The following WDR11 variants were observed in gnomAD, a reference collection of about 807,000 sequenced individuals.
WDR11 encodes WD repeat-containing protein 11.
WDR11 carries 83 observed loss-of-function variants against 151.2 expected under a neutral mutation model. The observed-to-expected ratio is 0.55, with a 90% CI of 0.46 to 0.66. The LOEUF is 0.66. WDR11 is among the 30% of genes least tolerant of loss of function. The probability of loss-of-function intolerance (pLI) is 0.00; values close to 1 mark genes in which losing one functional copy is unlikely to be tolerated. For missense variants in WDR11, 1,301 were observed against 1,480.9 expected (o/e 0.88, Z 1.99); for synonymous variants, 484 against 533.1 (o/e 0.91, Z 1.27).
chr10:120,900,101 C>T lies in WDR11; in HGVS notation c.2588C>T (p.Pro863Leu). The T allele has an allele frequency of 6.2e-7, 1 of 1,614,048 alleles. No homozygotes were observed. The highest frequency in any genetic ancestry group is 8.5e-7 in the Non-Finnish European group (1 of 1,179,898). ...TTGAAAGCCTTCTTATTACACCAGC[C>T]TTGGAATGGACAGTATTCTTTGGAC... ...LALKAFLLHQ[P>L]WNGQYSLDIS... Residue 863 changes from proline to leucine, a missense_variant, in exon 20 of 29, where the codon CCT becomes CTT. Physicochemically the swap from Pro to Leu is moderately conservative, Grantham distance 98 (BLOSUM62 -3). Coordinates refer to ENST00000263461, the MANE Select transcript of WDR11 (RefSeq NM_018117.12).
At chr10:120,895,104 C>T (rs956779621) in intron 19 of WDR11, among the ~76,000 whole-genome samples, 5 of 152,186 alleles carry the variant, frequency 3.3e-5, no homozygotes, top group Non-Finnish European at 7.3e-5. Context: ...CTGCCTTCTA[C>T]GTGGATTCTC....
chr10:120,866,524 A>G (rs768426743), intron 7 of WDR11, 45 bp from the exon 8 acceptor site: 1 of 1,608,470 alleles, frequency 6.2e-7, no homozygotes, highest in Non-Finnish European at 8.5e-7. Context: ...CAGTAGTGGT[A>G]TCGATATGGC....
intron 9 of WDR11, among the ~76,000 whole-genome samples, chr10:120,867,429 A>G (rs1441025476): frequency 6.6e-6 from 1 of 152,230 alleles, no homozygotes; most frequent in African/African-American, 2.4e-5. Flanking sequence ...AATGAAAGCA[A>G]TGACATTAGG....
At chr10:120,875,969 C>CTTTT (rs1307798276) in intron 11 of WDR11, among the ~76,000 whole-genome samples, 1 of 131,138 alleles carries the variant, frequency 7.6e-6, no homozygotes, top group Non-Finnish European at 1.6e-5. Flanking sequence ...AAGGGTTAAC[C>CTTTT]TTTTTTTTCT....
chr10:120,859,411 GCA>G (rs1477429251), intron 3 of WDR11, among the ~76,000 whole-genome samples: 1 of 151,686 alleles, frequency 6.6e-6, no homozygotes, highest in Non-Finnish European at 1.5e-5. Context: ...GGGACCACAG[GCA>G]CACACCACCA....
At chr10:120,869,374 A>G (rs1846442162) in intron 9 of WDR11, among the ~76,000 whole-genome samples, 3 of 151,772 alleles carry the variant, frequency 2.0e-5, no homozygotes, top group South Asian at 4.2e-4. Flanking sequence ...CGGCCTCCCA[A>G]AGTGCTGGGA....
intron 19 of WDR11, among the ~76,000 whole-genome samples, chr10:120,895,769 A>G (rs1236982196): frequency 2.6e-5 from 4 of 152,210 alleles, no homozygotes; most frequent in Non-Finnish European, 5.9e-5. Context: ...AAATTTTTAA[A>G]AAGAGAAAAA....
intron 21 of WDR11, 48 bp from the exon 22 acceptor site, chr10:120,902,209 G>A: frequency 6.6e-7 from 1 of 1,517,806 alleles, no homozygotes; most frequent in African/African-American, 1.4e-5. Flanking sequence ...ATGCTTTATT[G>A]TTTGATTGAA....
At chr10:120,878,241 A>G in intron 11 of WDR11, 112 bp from the exon 12 acceptor site, 1 of 785,000 alleles carries the variant, frequency 1.3e-6, no homozygotes, top group Non-Finnish European at 2.1e-6. Context: ...CTTACTTTTT[A>G]ATTAATTTGT....
chr10:120,876,875 T>C (rs1158897987), intron 11 of WDR11, among the ~76,000 whole-genome samples: 1 of 152,216 alleles, frequency 6.6e-6, no homozygotes, highest in East Asian at 1.9e-4. Context: ...CTAGATGGAA[T>C]TCACTCTGGG....
In WDR11 at chr10:120,873,920, T is replaced by C. The variant is rs780900373; in HGVS notation, c.1553T>C (p.Val518Ala). Residue 518 changes from valine (V) to alanine (A), a missense_variant, in exon 11 of 29, where the codon GTC becomes GCC. Coordinates refer to ENST00000263461, the MANE Select transcript of WDR11 (RefSeq NM_018117.12). ...GAGTTAAGCATCCACTCATGTGAAG[T>C]CAAGTAAGTATGTCATTGTGATGAT... The part of the protein sequence containing the change: ...HKELSIHSCE[V>A]KGIEWTSLTS... 1 of 1,606,430 alleles carries C rather than the reference T, an allele frequency of 6.2e-7. No individual in the cohort carries two copies. The highest frequency in any genetic ancestry group is 1.3e-5 in the African/African-American group (1 of 74,758).
rs12259815 is a variant in WDR11 at position 120,909,147 on chromosome 10, A to C, written c.*434A>C. 1 of 175,102 alleles carries C rather than the reference A, an allele frequency of 5.7e-6. No individual in the cohort carries two copies. The highest frequency in any genetic ancestry group is 5.5e-5 in the Admixed American group (1 of 18,182). The allele number at this position is 175,102 out of a possible 1,614,324, so 10.8% of individuals were successfully genotyped here. On this transcript the variant is annotated 3_prime_UTR_variant, in exon 29 of 29. Coordinates refer to ENST00000263461, the MANE Select transcript of WDR11 (RefSeq NM_018117.12). ...GTACTTATATACAGTCTTTCAAGAG[A>C]GATACAAACAAGGCAGAAACATTTA...
chr10:120,873,963 A>G (rs1223178126), intron 11 of WDR11, 40 bp downstream of exon 11: 24 of 1,404,526 alleles, frequency 1.7e-5, no homozygotes, highest in Non-Finnish European at 2.4e-5. Context: ...CAAACATCAT[A>G]TCAGAAAAAA....
intron 11 of WDR11, among the ~76,000 whole-genome samples, chr10:120,876,136 G>A (rs369437962): frequency 2.6e-5 from 4 of 151,840 alleles, no homozygotes; most frequent in Non-Finnish European, 5.9e-5. Context: ...ATGCCACCAC[G>A]CCCAGCTAAT....
intron 16 of WDR11, among the ~76,000 whole-genome samples, chr10:120,888,381 A>G (rs371194458): frequency 4.6e-5 from 7 of 152,240 alleles, no homozygotes; most frequent in African/African-American, 1.7e-4. Context: ...ATTCAAGCCC[A>G]GGCAGTGTGA....
At chr10:120,879,966 A>G (rs1846940410) in intron 12 of WDR11, 1 of 152,216 alleles carries the variant, frequency 6.6e-6, no homozygotes, top group South Asian at 2.1e-4. Flanking sequence ...CACAGCATAC[A>G]TGAACACCGT....
intron 5 of WDR11, among the ~76,000 whole-genome samples, chr10:120,864,479 C>A (rs1343156010): frequency 6.6e-6 from 1 of 152,058 alleles, no homozygotes; most frequent in African/African-American, 2.4e-5. Context: ...CTTATAGTTT[C>A]ACCTGTTTTA....
intron 28 of WDR11, chr10:120,907,984 A>C (rs767839405): frequency 1.3e-4 from 21 of 157,702 alleles, no homozygotes; most frequent in Middle Eastern, 3.4e-3. Context: ...GAGCCTACTC[A>C]AGATCATGTA....
At chr10:120,858,899 T>C in intron 3 of WDR11, 103 bp downstream of exon 3, 1 of 1,415,618 alleles carries the variant, frequency 7.1e-7, no homozygotes, top group Non-Finnish European at 9.8e-7. Context: ...TTTTATCAAT[T>C]CCAAGTTAGC....
Sources: allele counts gnomAD v4.1 joint callset (sites outside exome capture counted in the v4.1 genomes callset), GRCh38; gene constraint gnomAD v4.1.1; transcripts MANE v1.5; gene names NCBI Gene and HGNC (gene_info 2026-07-23, HGNC 2026-07-21).